CNTN1: variants seen among roughly 807,000 people sequenced by gnomAD.
The protein encoded by CNTN1 is contactin-1.
In CNTN1, 38 loss-of-function variants were observed where a neutral mutation model predicts 126.4. The observed-to-expected ratio is 0.30, with a 90% CI of 0.23 to 0.39. The LOEUF is 0.39. CNTN1 is among the 10% of genes least tolerant of loss of function. The probability of loss-of-function intolerance (pLI) is 1.00; values close to 1 mark genes in which losing one functional copy is unlikely to be tolerated. For missense variants in CNTN1, 1,009 were observed against 1,248.4 expected, an observed-to-expected ratio of 0.81 and a Z score of 2.89; for synonymous variants, 413 against 422.6, an observed-to-expected ratio of 0.98 and a Z score of 0.28.
At chr12:41,026,105 T>A (rs993193739) in intron 21 of CNTN1, among the ~76,000 whole-genome samples, 3 of 152,218 alleles carry the variant, frequency 2.0e-5, no homozygotes. Context: ...ACTTGCTAGA[T>A]GTATGACAAT....
chr12:40,914,879 C>G (rs1945174064), intron 3 of CNTN1, among the ~76,000 whole-genome samples: 1 of 152,068 alleles, frequency 6.6e-6, no homozygotes, highest in African/African-American at 2.4e-5. Flanking sequence ...TGTATATCCC[C>G]TTTGAGGGTT....
chr12:40,918,904 C>T (rs1304909930), intron 4 of CNTN1, 133 bp downstream of exon 4: 7 of 1,094,312 alleles, frequency 6.4e-6, no homozygotes, highest in South Asian at 5.4e-5. Context: ...TATTGGCATA[C>T]AAACTATTAA....
chr12:41,012,271 CCT>C (rs1308057366), intron 17 of CNTN1, among the ~76,000 whole-genome samples: 6 of 152,094 alleles, frequency 3.9e-5, no homozygotes, highest in Non-Finnish European at 8.8e-5. Context: ...CTGGGGGTAC[CCT>C]CTGTTTCTAG....
intron 1 of CNTN1, among the ~76,000 whole-genome samples, chr12:40,826,354 G>A (rs1028923092): frequency 3.3e-5 from 5 of 152,074 alleles, no homozygotes; most frequent in Admixed American, 3.3e-4. Context: ...ACTCATAGAA[G>A]AGAGAAATAT....
chr12:41,047,745 G>A (rs1484746582), intron 23 of CNTN1, among the ~76,000 whole-genome samples: 1 of 151,884 alleles, frequency 6.6e-6, no homozygotes, highest in Admixed American at 6.6e-5. Flanking sequence ...TACAATGTAG[G>A]CATAAATGAT....
intron 14 of CNTN1, among the ~76,000 whole-genome samples, chr12:40,948,272 T>TA (rs899411664): frequency 7.0e-5 from 10 of 143,688 alleles, no homozygotes; most frequent in Non-Finnish European, 1.5e-4. Flanking sequence ...TTTTTTTTTT[T>TA]TTTTTTTTTG....
At chr12:40,978,786 T>C (rs1443603633) in intron 15 of CNTN1, 1 of 152,194 alleles carries the variant, frequency 6.6e-6, no homozygotes, top group Non-Finnish European at 1.5e-5. Context: ...GGAAATGATT[T>C]ACATTTTAAT....
intron 1 of CNTN1, among the ~76,000 whole-genome samples, chr12:40,807,544 A>G (rs571170389): frequency 6.6e-6 from 1 of 152,204 alleles, no homozygotes; most frequent in South Asian, 2.1e-4. Flanking sequence ...ATTTTCAAGG[A>G]CTCTGGAATA....
chr12:40,781,895 A>G (rs889198231), intron 1 of CNTN1, among the ~76,000 whole-genome samples: 2 of 151,998 alleles, frequency 1.3e-5, no homozygotes, highest in Non-Finnish European at 2.9e-5. Flanking sequence ...CTTTTCCTTT[A>G]GAATACAATG....
chr12:40,712,457 A>T (rs1230770025), intron 1 of CNTN1, among the ~76,000 whole-genome samples: 1 of 152,066 alleles, frequency 6.6e-6, no homozygotes, highest in Non-Finnish European at 1.5e-5. Flanking sequence ...GACTAGTGTG[A>T]TAGTAATGCT....
At chr12:40,706,467 CT>C in intron 1 of CNTN1, among the ~76,000 whole-genome samples, 1 of 152,210 alleles carries the variant, frequency 6.6e-6, no homozygotes, top group East Asian at 1.9e-4. Flanking sequence ...CTCTTTAACA[CT>C]TCATTATCCA....
intron 17 of CNTN1, among the ~76,000 whole-genome samples, chr12:41,001,078 G>C (rs1462148865): frequency 6.6e-6 from 1 of 152,154 alleles, no homozygotes; most frequent in Non-Finnish European, 1.5e-5. Flanking sequence ...ATTGTGAATA[G>C]TGCTGCAATG....
intron 23 of CNTN1, among the ~76,000 whole-genome samples, chr12:41,037,428 A>G (rs538347932): frequency 6.6e-6 from 1 of 152,186 alleles, no homozygotes; most frequent in South Asian, 2.1e-4. Context: ...ACAATTGGCT[A>G]CAGTATTCAG....
chr12:40,879,604 A>G (rs1943804244), intron 1 of CNTN1, among the ~76,000 whole-genome samples: 1 of 152,176 alleles, frequency 6.6e-6, no homozygotes, highest in African/African-American at 2.4e-5. Flanking sequence ...CTAGTATTAT[A>G]TCACCTAAAA....
At chr12:40,889,462 C>T (rs1944165012) in intron 1 of CNTN1, among the ~76,000 whole-genome samples, 1 of 152,096 alleles carries the variant, frequency 6.6e-6, no homozygotes, top group Non-Finnish European at 1.5e-5. Flanking sequence ...AGATAAGTGG[C>T]ATAGTTATAA....
chr12:40,781,095 A>G (rs1939784165), intron 1 of CNTN1, among the ~76,000 whole-genome samples: 1 of 151,948 alleles, frequency 6.6e-6, no homozygotes, highest in Non-Finnish European at 1.5e-5. Context: ...ATGTGAAACA[A>G]ATATAAGACC....
chr12:40,906,260 G>A (rs750008966), intron 1 of CNTN1, among the ~76,000 whole-genome samples: 2 of 152,024 alleles, frequency 1.3e-5, no homozygotes, highest in South Asian at 2.1e-4. Flanking sequence ...GACAGAGAGA[G>A]ACTACGTCTC....
At chr12:40,745,160 T>TA (rs1461608952) in intron 1 of CNTN1, among the ~76,000 whole-genome samples, 2 of 152,176 alleles carry the variant, frequency 1.3e-5, no homozygotes, top group African/African-American at 4.8e-5. Context: ...TTCTGCCAAA[T>TA]ATCTTCAGAA....
chr12:40,750,626 G>A (rs1938370870), intron 1 of CNTN1, among the ~76,000 whole-genome samples: 1 of 151,782 alleles, frequency 6.6e-6, no homozygotes, highest in Admixed American at 6.6e-5. Context: ...AAGATAGTGA[G>A]ACCCCCATCT....
Sources: allele counts gnomAD v4.1 joint callset (sites outside exome capture counted in the v4.1 genomes callset), GRCh38; gene constraint gnomAD v4.1.1; transcripts MANE v1.5; gene names NCBI Gene and HGNC (gene_info 2026-07-23, HGNC 2026-07-21).